Variants in SLC6A4 observed in about 807,000 individuals in gnomAD.
SLC6A4 encodes the protein sodium-dependent serotonin transporter.
A neutral mutation model predicts 73.4 loss-of-function variants in SLC6A4; 22 were observed. The ratio of observed to expected loss-of-function variants is 0.30; its 90% CI spans 0.21 to 0.43. The LOEUF (loss-of-function observed/expected upper bound fraction) is 0.43, where lower values mean the gene tolerates loss of function less well. SLC6A4 is among the 20% of genes least tolerant of loss of function. SLC6A4 has a pLI of 1.00. For missense variants in SLC6A4, 593 were observed against 808.5 expected, an observed-to-expected ratio of 0.73 and a Z score of 3.23; for synonymous variants, 270 against 315.5, an observed-to-expected ratio of 0.86 and a Z score of 1.53.
At chr17:30,227,721 T>C (rs1252562170) in intron 1 of SLC6A4, among the ~76,000 whole-genome samples, 2 of 152,170 alleles carry the variant, frequency 1.3e-5, no homozygotes, top group Non-Finnish European at 2.9e-5. Flanking sequence ...TCCTGGCCTA[T>C]GAGCAATCCT....
intron 13 of SLC6A4, 55 bp from the exon 14 acceptor site, chr17:30,203,394 G>C (rs1906095324): frequency 1.4e-6 from 2 of 1,467,380 alleles, no homozygotes; most frequent in African/African-American, 1.4e-5. Flanking sequence ...CACTCAGATA[G>C]AGATGTTTCC....
chr17:30,226,470 C>T (rs1308450010), intron 1 of SLC6A4, among the ~76,000 whole-genome samples: 2 of 152,216 alleles, frequency 1.3e-5, no homozygotes, highest in African/African-American at 4.8e-5. Flanking sequence ...GAAGCCAAGG[C>T]GGGCGGATCA....
chr17:30,211,396 T>C lies in SLC6A4; in HGVS notation c.1233A>G (p.Ala411=). ...AGPSLLFITY[A]EAIANMPAST... is the part of the protein sequence containing the mutation. ...ACGCTGGCATGTTGGCTATCGCTTC[T>C]GCATACGTGATGAAGAGGAGGCTGG... The change falls in exon 10 of 15, where the codon GCA becomes GCG. Residue 411 remains alanine (A), a synonymous_variant. Coordinates refer to ENST00000650711, the MANE Select transcript of SLC6A4 (RefSeq NM_001045.6). The surrounding 1 kb of genome is among the most constrained non-coding windows in gnomAD (Gnocchi z 4.0). 6.2e-7 allele frequency: 1 copy of C among 1,613,408 alleles called. No individual in the cohort carries two copies. The highest frequency in any genetic ancestry group is 8.5e-7 in the Non-Finnish European group (1 of 1,179,434).
At chr17:30,234,183 C>A (rs909517421) in intron 1 of SLC6A4, among the ~76,000 whole-genome samples, 2 of 151,842 alleles carry the variant, frequency 1.3e-5, no homozygotes, top group African/African-American at 4.8e-5. Flanking sequence ...TCCCCCATCC[C>A]ACTCCTAGTA....
At chr17:30,220,850 A>C (rs1381069217) in intron 3 of SLC6A4, among the ~76,000 whole-genome samples, 1 of 152,058 alleles carries the variant, frequency 6.6e-6, no homozygotes, top group East Asian at 1.9e-4. Context: ...GCCCTTCAAT[A>C]AATGGAGCGC....
intron 13 of SLC6A4, among the ~76,000 whole-genome samples, chr17:30,205,412 A>C (rs1906162144): frequency 6.6e-6 from 1 of 152,178 alleles, no homozygotes; most frequent in South Asian, 2.1e-4. Flanking sequence ...AAAACAAATA[A>C]AAATATTTAA....
In SLC6A4 at chr17:30,196,694, G is replaced by A. The variant is rs1208010853; in HGVS notation, c.*1762C>T. On this transcript the variant is annotated 3_prime_UTR_variant, in exon 15 of 15. Transcript: ENST00000650711. ...TAGACAGTAAAGAGAATGGGCATGA[G>A]GTGGCAGGAAGAAGGAAAGAGTGAA... 1.3e-5 allele frequency: 2 copies of A among 152,362 alleles called. No homozygotes were observed. Among genetic ancestry groups the A allele is most frequent in the African/African-American group, 2.4e-5 (1 of 41,450 alleles). 9.4% of individuals were successfully genotyped at this position (152,362 alleles called of 1,614,324 possible).
At position 30,218,239 on chromosome 17, in the gene SLC6A4, C is replaced by T. The variant is rs55848249; in HGVS notation, c.577G>A (p.Asp193Asn). Residue 193 changes from aspartate (D) to asparagine (N), a missense_variant, in exon 5 of 15, where the codon GAC becomes AAC. Coordinates refer to ENST00000650711, the MANE Select transcript of SLC6A4 (RefSeq NM_001045.6). The stretch of plus-strand genomic sequence containing the variant: ...TTGCAGCTGGTCCAGGGCAGCTGGT[C>T]CGTGAAGGAGGAGATGAGGTAGTAT... ...ALYYLISSFT[D>N]QLPWTSCKNS... 1.3e-4 allele frequency: 216 copies of T among 1,614,074 alleles called. No individual in the cohort carries two copies. In the African/African-American group the frequency reaches 2.5e-3, roughly 19 times the overall value.
chr17:30,215,731 G>A lies in SLC6A4; in HGVS notation c.973-17C>T. ...TATCCACACCTGGAACACAGCAGGG[G>A]TAAGGGCATGGGGTGAGGGGGAGAC... On this transcript the variant is annotated splice_polypyrimidine_tract_variant and intron_variant, in intron 7 of 14. Transcript: ENST00000650711. The A allele has an allele frequency of 6.2e-7, 1 of 1,606,678 alleles. No individual in the cohort carries two copies. The highest frequency in any genetic ancestry group is 8.5e-7 in the Non-Finnish European group (1 of 1,173,516).
chr17:30,229,444 A>C (rs183043656), intron 1 of SLC6A4, among the ~76,000 whole-genome samples: 7 of 152,254 alleles, frequency 4.6e-5, no homozygotes, highest in Admixed American at 4.6e-4. Flanking sequence ...TTCTTTCTTT[A>C]TTTTAACCTT....
chr17:30,208,661 A>G (rs752658610), intron 12 of SLC6A4, among the ~76,000 whole-genome samples: 9 of 152,130 alleles, frequency 5.9e-5, no homozygotes, highest in African/African-American at 9.7e-5. Context: ...AACAAATAAC[A>G]TGCAAAAGTG....
At chr17:30,234,101 T>G (rs1448837915) in intron 1 of SLC6A4, among the ~76,000 whole-genome samples, 1 of 152,110 alleles carries the variant, frequency 6.6e-6, no homozygotes, top group African/African-American at 2.4e-5. Flanking sequence ...ATCAAAATGC[T>G]CAGACGACTC....
chr17:30,221,250 T>G (rs1389883665), intron 3 of SLC6A4, among the ~76,000 whole-genome samples: 1 of 152,120 alleles, frequency 6.6e-6, no homozygotes, highest in Non-Finnish European at 1.5e-5. Context: ...GTGCTGGGAT[T>G]ACAGGTGTGA....
chr17:30,214,943 TTTC>T (rs1182832008), intron 8 of SLC6A4, among the ~76,000 whole-genome samples: 1 of 151,822 alleles, frequency 6.6e-6, no homozygotes, highest in African/African-American at 2.4e-5. Context: ...TCTCTCTTTC[TTTC>T]TTTCTTTCTT....
At chr17:30,228,397 G>T (rs1274002075) in intron 1 of SLC6A4, among the ~76,000 whole-genome samples, 1 of 152,134 alleles carries the variant, frequency 6.6e-6, no homozygotes, top group African/African-American at 2.4e-5. Flanking sequence ...CCATACATCC[G>T]CAACCCATTG....
At position 30,218,947 on chromosome 17, in the gene SLC6A4, G is replaced by A. The variant is rs769437814; in HGVS notation, c.344-16C>T. On this transcript the variant is annotated splice_polypyrimidine_tract_variant and intron_variant, in intron 3 of 14. Coordinates refer to ENST00000650711, the MANE Select transcript of SLC6A4 (RefSeq NM_001045.6). ...AGGAATGCCCCTGAGGCAGATGAAA[G>A]ACAATTTCACTCCCTGCCCACGTCT... is the stretch of plus-strand genomic sequence containing the variant. 2.5e-6 allele frequency: 4 copies of A among 1,613,604 alleles called. No homozygotes were observed. The highest frequency in any genetic ancestry group is 3.4e-6 in the Non-Finnish European group (4 of 1,180,006).
chr17:30,220,786 C>T (rs1906721429), intron 3 of SLC6A4, among the ~76,000 whole-genome samples: 1 of 151,974 alleles, frequency 6.6e-6, no homozygotes, highest in African/African-American at 2.4e-5. Context: ...ACGGCCATTC[C>T]CTCACTTCTG....
chr17:30,212,985 C>T, intron 8 of SLC6A4, 118 bp from the exon 9 acceptor site: 1 of 1,119,474 alleles, frequency 8.9e-7, no homozygotes. Flanking sequence ...GACAAGCAGG[C>T]TGAACTCAAG....
Position 30,215,606 on chromosome 17 carries a change from C to A in SLC6A4, c.1076+5G>T. On this transcript the variant is annotated splice_donor_5th_base_variant and intron_variant, in intron 8 of 14. Coordinates refer to ENST00000650711, the MANE Select transcript of SLC6A4 (RefSeq NM_001045.6). The stretch of plus-strand genomic sequence containing the variant: ...AAGCTTTGCTTGGGGACCCCAGATA[C>A]TCACTGGTAGCAGTTGTTGTTGAAC... 1 of 1,611,226 alleles carries A rather than the reference C, an allele frequency of 6.2e-7. No individual in the cohort carries two copies. The highest frequency in any genetic ancestry group is 8.5e-7 in the Non-Finnish European group (1 of 1,177,320).
Sources: allele counts gnomAD v4.1 joint callset (sites outside exome capture counted in the v4.1 genomes callset), GRCh38; gene constraint gnomAD v4.1.1; non-coding constraint Gnocchi (gnomAD v3.1); transcripts MANE v1.5; gene names NCBI Gene and HGNC (gene_info 2026-07-23, HGNC 2026-07-21).